Variants in ZNF665 observed in about 807,000 individuals in gnomAD.
The protein encoded by ZNF665 is zinc finger protein 665.
A neutral mutation model predicts 7.9 loss-of-function variants in ZNF665; 6 were observed. The observed-to-expected ratio is 0.76, with a 90% CI of 0.42 to 1.50. The LOEUF is 1.50. Ranked by LOEUF, ZNF665 falls within the 40% of genes most tolerant of loss-of-function variation. The probability of loss-of-function intolerance (pLI) is 0.01; values close to 1 mark genes in which losing one functional copy is unlikely to be tolerated. For synonymous variants in ZNF665, 242 were observed against 274.5 expected, an observed-to-expected ratio of 0.88 and a Z score of 1.17; for missense variants, 819 against 806.7, an observed-to-expected ratio of 1.02 and a Z score of -0.18.
chr19:53,188,869 T>C (rs1261646291), intron 1 of ZNF665, among the ~76,000 whole-genome samples: 7 of 151,892 alleles, frequency 4.6e-5, no homozygotes, highest in Non-Finnish European at 1.0e-4. Flanking sequence ...AGCTAATTTT[T>C]GTATTTTTAG....
chr19:53,164,799 T>C lies in ZNF665; in HGVS notation c.1691A>G (p.His564Arg), dbSNP rs778828806. 1.2e-6 allele frequency: 2 copies of C among 1,614,204 alleles called. No homozygotes were observed. Among genetic ancestry groups the C allele is most frequent in the Non-Finnish European group, 1.7e-6 (2 of 1,180,006 alleles). The stretch of plus-strand genomic sequence containing the variant: ...ACACTTATAAGGTTTCTCACCAGTG[T>C]GAATTCTCTGATGAATTGCAAGGTA... The part of the protein sequence containing the change: ...NSYLAIHQRI[H>R]TGEKPYKCNE... Residue 564 changes from histidine (H) to arginine (R), a missense_variant, in exon 4 of 4, where the codon CAC becomes CGC. By Grantham distance (29) the His-to-Arg change is conservative. Coordinates refer to ENST00000396424, the MANE Select transcript of ZNF665 (RefSeq NM_024733.5).
intron 2 of ZNF665, chr19:53,182,062 T>A (rs1019124393): frequency 3.9e-5 from 6 of 152,282 alleles, no homozygotes; most frequent in African/African-American, 1.4e-4. Flanking sequence ...TAAGTTTCTC[T>A]CTTGGTTGAA....
intron 2 of ZNF665, among the ~76,000 whole-genome samples, chr19:53,176,520 T>C (rs1035321364): frequency 2.0e-5 from 3 of 152,226 alleles, no homozygotes; most frequent in African/African-American, 7.2e-5. Flanking sequence ...CCCTGAATTC[T>C]GTGAGCCACT....
rs752620856 is a variant in ZNF665 at position 53,165,169 on chromosome 19, C to T, written c.1321G>A (p.Val441Met). The change falls in exon 4 of 4, where the codon GTG becomes ATG. Residue 441 changes from valine (V) to methionine (M), a missense_variant. Transcript: ENST00000396424. Reference sequence around the variant, plus strand: ...TGATGGGTAGTTAGGCTTGATCGCACACTAAAGGCTTTGCCACACTCATCA... The same window carrying T: ...TGATGGGTAGTTAGGCTTGATCGCATACTAAAGGCTTTGCCACACTCATCA... ...RCDECGKAFS[V>M]RSSLTTHQAI... 6.2e-7 allele frequency: 1 copy of T among 1,614,106 alleles called. No homozygotes were observed. The highest frequency in any genetic ancestry group is 1.1e-5 in the South Asian group (1 of 91,084).
At chr19:53,191,217 T>G (rs558046748) in intron 1 of ZNF665, among the ~76,000 whole-genome samples, 2 of 152,278 alleles carry the variant, frequency 1.3e-5, no homozygotes, top group South Asian at 4.1e-4. Context: ...TGCGTGTTGG[T>G]GAGGAGAAAT....
chr19:53,190,889 G>A (rs779931291), intron 1 of ZNF665, among the ~76,000 whole-genome samples: 2 of 143,326 alleles, frequency 1.4e-5, no homozygotes, highest in Admixed American at 6.8e-5. Flanking sequence ...AGCCAAGATC[G>A]TGCCATTGCA....
intron 1 of ZNF665, 111 bp from the exon 2 acceptor site, chr19:53,183,054 G>A: frequency 8.4e-7 from 1 of 1,189,668 alleles, no homozygotes; most frequent in South Asian, 1.2e-5. Context: ...TATACACAGG[G>A]AAGACCTTAT....
chr19:53,166,327 T>A lies in ZNF665; in HGVS notation c.163A>T (p.Asn55Tyr). 6.3e-7 allele frequency: 1 copy of A among 1,586,094 alleles called. No homozygotes were observed. Among genetic ancestry groups the A allele is most frequent in the Non-Finnish European group, 8.6e-7 (1 of 1,167,966 alleles). ...TTCCCCTTTGGTGGCAAATCCGTGT[T>A]TACACATTTACAAGAGATATCTGTA... The part of the protein sequence containing the change: ...VSLDISCKCV[N>Y]TDLPPKGKNN... Residue 55 changes from asparagine to tyrosine, a missense_variant, in exon 4 of 4, where the codon AAC becomes TAC. Physicochemically the swap from Asn to Tyr is moderately radical, Grantham distance 143. Coordinates refer to ENST00000396424, the MANE Select transcript of ZNF665 (RefSeq NM_024733.5).
At position 53,166,361 on chromosome 19, in the gene ZNF665, A is replaced by G; in HGVS notation, c.143-14T>C. 1 of 1,529,506 alleles carries G rather than the reference A, an allele frequency of 6.5e-7. No individual in the cohort carries two copies. The highest frequency in any genetic ancestry group is 8.8e-7 in the Non-Finnish European group (1 of 1,141,036). 94.7% of individuals were successfully genotyped at this position (1,529,506 alleles called of 1,614,324 possible). On this transcript the variant is annotated splice_polypyrimidine_tract_variant and intron_variant, in intron 3 of 3. Transcript: ENST00000396424. ...TACAAGAGATATCTGTAAGATATAA[A>G]CAACCATAGATTTCCAGTTAACTAT... is the stretch of plus-strand genomic sequence containing the variant.
chr19:53,173,372 C>CTTTTTTTT (rs34425717), intron 3 of ZNF665, among the ~76,000 whole-genome samples: 6 of 78,864 alleles, frequency 7.6e-5, no homozygotes, highest in African/African-American at 1.9e-4. Context: ...TTTTTTCACT[C>CTTTTTTTT]TTTTTTTTTT....
chr19:53,192,895 G>A lies in ZNF665; in HGVS notation c.-46+417C>T, dbSNP rs564761356. Reference sequence around the variant, plus strand: ...GGGGGCGACGGCGCCTTAGGAGAGGGGTGGGGTATGCAGGATCCCAGGACC... The same window carrying A: ...GGGGGCGACGGCGCCTTAGGAGAGGAGTGGGGTATGCAGGATCCCAGGACC... On this transcript the variant is annotated intron_variant, in intron 1 of 3. Transcript: ENST00000396424. Among the ~76,000 whole-genome samples, 6 of 152,238 alleles carry A rather than the reference G, an allele frequency of 3.9e-5. No homozygotes were observed. The South Asian group carries it at 6.2e-4, about 16-fold the overall frequency.
At chr19:53,167,484 T>C (rs2090624198) in intron 3 of ZNF665, among the ~76,000 whole-genome samples, 1 of 150,476 alleles carries the variant, frequency 6.6e-6, no homozygotes, top group Admixed American at 6.6e-5. Flanking sequence ...AGACAGAGTC[T>C]CGCTTTGTCA....
At chr19:53,179,274 G>A (rs1389610042) in intron 2 of ZNF665, among the ~76,000 whole-genome samples, 1 of 151,568 alleles carries the variant, frequency 6.6e-6, no homozygotes, top group Non-Finnish European at 1.5e-5. Flanking sequence ...TGGTCGGGAG[G>A]CTGAGGCAGG....
rs759078581 is a variant in ZNF665 at position 53,165,494 on chromosome 19, G to T, written c.996C>A (p.Ser332Arg). The T allele has an allele frequency of 7.4e-6, 12 of 1,613,588 alleles. No homozygotes were observed. The highest frequency in any genetic ancestry group is 1.3e-5 in the African/African-American group (1 of 74,780). Residue 332 changes from serine to arginine, a missense_variant, in exon 4 of 4, where the codon AGC becomes AGA. Coordinates refer to ENST00000396424, the MANE Select transcript of ZNF665 (RefSeq NM_024733.5). ...TGTGGATTGTCTGATGGGTAGTCAG[G>T]CTTGAGCGAACACTAAAGGCTTTGC... is the stretch of plus-strand genomic sequence containing the variant. ...ECGKAFSVRS[S>R]LTTHQTIHTG...
intron 1 of ZNF665, among the ~76,000 whole-genome samples, chr19:53,190,471 C>T (rs1282183216): frequency 6.6e-6 from 1 of 152,222 alleles, no homozygotes; most frequent in Non-Finnish European, 1.5e-5. Flanking sequence ...AATTTCACTC[C>T]ACTCTGACAC....
intron 1 of ZNF665, chr19:53,190,203 A>T (rs887898135): frequency 7.2e-5 from 11 of 152,226 alleles, no homozygotes; most frequent in African/African-American, 1.9e-4. Flanking sequence ...CCTGGGTGGC[A>T]TGCCGCCCAC....
chr19:53,182,822 T>G, intron 2 of ZNF665, 62 bp downstream of exon 2: 1 of 1,611,770 alleles, frequency 6.2e-7, no homozygotes, highest in African/African-American at 1.3e-5. Flanking sequence ...GATTCCCAAC[T>G]CCAAGGTCCA....
chr19:53,192,540 T>C (rs777743034), intron 1 of ZNF665, among the ~76,000 whole-genome samples: 2 of 152,328 alleles, frequency 1.3e-5, no homozygotes, highest in South Asian at 2.1e-4. Flanking sequence ...TCACCCTTAC[T>C]GTCTCTTTGT....
At chr19:53,172,869 T>G (rs1409909584) in intron 3 of ZNF665, among the ~76,000 whole-genome samples, 1 of 149,362 alleles carries the variant, frequency 6.7e-6, no homozygotes, top group African/African-American at 2.5e-5. Context: ...TATATTGAGA[T>G]CCCTTGGCCA....
Sources: allele counts gnomAD v4.1 joint callset (sites outside exome capture counted in the v4.1 genomes callset), GRCh38; gene constraint gnomAD v4.1.1; transcripts MANE v1.5; gene names NCBI Gene and HGNC (gene_info 2026-07-23, HGNC 2026-07-21).